Variants in FAM184A observed in about 807,000 individuals in gnomAD.
FAM184A encodes the protein protein FAM184A.
FAM184A carries 99 observed loss-of-function variants against 143.8 expected under a neutral mutation model. The observed-to-expected ratio is 0.69, with a 90% confidence interval of 0.58 to 0.81. FAM184A has a LOEUF of 0.81. FAM184A is among the 40% of genes least tolerant of loss of function. The pLI, the probability that FAM184A is intolerant of heterozygous loss-of-function variation, is 0.00. For synonymous variants in FAM184A, 427 were observed against 446.4 expected, an observed-to-expected ratio of 0.96 and a Z score of 0.55; for missense variants, 1,217 against 1,310.5, an observed-to-expected ratio of 0.93 and a Z score of 1.10.
upstream of FAM184A, among the ~76,000 whole-genome samples, chr6:119,079,976 C>T (rs1052316368): frequency 5.3e-5 from 8 of 152,140 alleles, no homozygotes; most frequent in Admixed American, 5.2e-4. Context: ...AACAAATATC[C>T]TACAAATGTT....
At chr6:118,965,488 A>G (rs899349092) in intron 15 of FAM184A, among the ~76,000 whole-genome samples, 1 of 152,184 alleles carries the variant, frequency 6.6e-6, no homozygotes, top group Non-Finnish European at 1.5e-5. Flanking sequence ...TTCACCAACA[A>G]GATGTTCTAA....
At chr6:118,967,981 T>A (rs892120916) in intron 14 of FAM184A, among the ~76,000 whole-genome samples, 1 of 152,130 alleles carries the variant, frequency 6.6e-6, no homozygotes, top group Admixed American at 6.5e-5. Flanking sequence ...TTGAGTACCA[T>A]AAAATCCCTC....
rs146737029 is a variant in FAM184A at position 119,143,685 on chromosome 6, C to T, written c.-202+5393G>A. Among the ~76,000 whole-genome samples the T allele has an allele frequency of 3.9e-3, 594 of 152,266 alleles. 4 individuals are homozygous for T. Among genetic ancestry groups the T allele is most frequent in the African/African-American group, 0.014 (562 of 41,542 alleles). ...GCTTAAATGAACCTTTAGGACATGA[C>T]GCTAAGTGAAATAAGCCAGTCACAA... is the stretch of plus-strand genomic sequence containing the variant. On this transcript the variant is annotated intron_variant, in intron 1 of 16. Transcript: ENST00000352896.
chr6:119,108,041 C>CG (rs1265452866), intron 1 of FAM184A, among the ~76,000 whole-genome samples: 2 of 151,984 alleles, frequency 1.3e-5, no homozygotes, highest in Non-Finnish European at 2.9e-5. Flanking sequence ...AGAGCAGAAT[C>CG]AGGAATTCTG....
chr6:118,985,062 T>C (rs1428910330), intron 9 of FAM184A, among the ~76,000 whole-genome samples: 2 of 152,278 alleles, frequency 1.3e-5, no homozygotes, highest in Non-Finnish European at 2.9e-5. Context: ...CTGCAGACTG[T>C]AATGGCTTAG....
intron 1 of FAM184A, among the ~76,000 whole-genome samples, chr6:119,046,973 T>A (rs1392057901): frequency 6.6e-6 from 1 of 152,018 alleles, no homozygotes; most frequent in African/African-American, 2.4e-5. Flanking sequence ...ATTTGCAAAC[T>A]ACCCATCTGA....
intron 1 of FAM184A, among the ~76,000 whole-genome samples, chr6:119,116,682 G>C (rs1054694833): frequency 6.6e-6 from 1 of 152,194 alleles, no homozygotes; most frequent in Admixed American, 6.5e-5. Context: ...GTGTCCAGCT[G>C]CCTGTGGAAG....
Position 118,975,997 on chromosome 6 carries a change from AATCAATTGCAGCTG to A in FAM184A, c.2489_2502del (p.Ala830ValfsTer5), listed in dbSNP as rs1357741070. 1.2e-6 allele frequency: 2 copies of A among 1,613,334 alleles called. No individual in the cohort carries two copies. The highest frequency in any genetic ancestry group is 1.7e-6 in the Non-Finnish European group (2 of 1,179,854). ...TCTTGATGATGATTATGCCGTAACA[AATCAATTGCAGCTG>A]CATGTTGATGGTTGAGTTCTGAGCG... On this transcript the variant is annotated frameshift_variant, in exon 12 of 18. Coordinates refer to ENST00000338891, the MANE Select transcript of FAM184A (RefSeq NM_024581.6). LOFTEE classifies it high-confidence loss of function.
chr6:119,139,629 A>G (rs1772142754), intron 1 of FAM184A, among the ~76,000 whole-genome samples: 1 of 144,506 alleles, frequency 6.9e-6, no homozygotes, highest in South Asian at 2.5e-4. Context: ...ACGTTCTCAT[A>G]ATGTTGTATA....
chr6:119,146,275 G>A (rs111236244), intron 1 of FAM184A, among the ~76,000 whole-genome samples: 2 of 152,120 alleles, frequency 1.3e-5, no homozygotes, highest in African/African-American at 4.8e-5. Context: ...CTGAAATTTG[G>A]GGAACTCTGT....
At chr6:119,072,953 C>G (rs1412865929) in intron 1 of FAM184A, among the ~76,000 whole-genome samples, 3 of 152,030 alleles carry the variant, frequency 2.0e-5, no homozygotes, top group Non-Finnish European at 4.4e-5. Context: ...TTATGACCAC[C>G]ATCTTCTTCA....
chr6:119,126,517 A>T (rs1789369823), intron 1 of FAM184A, among the ~76,000 whole-genome samples: 1 of 152,200 alleles, frequency 6.6e-6, no homozygotes, highest in African/African-American at 2.4e-5. Flanking sequence ...GAGTGGGTGC[A>T]AGAGCCAGGG....
intron 9 of FAM184A, among the ~76,000 whole-genome samples, chr6:119,001,977 A>G (rs1284502543): frequency 6.6e-6 from 1 of 152,194 alleles, no homozygotes; most frequent in Non-Finnish European, 1.5e-5. Flanking sequence ...ACAAAAGCTC[A>G]TATATACACA....
chr6:119,122,154 A>T (rs1299572652), intron 1 of FAM184A, among the ~76,000 whole-genome samples: 1 of 152,088 alleles, frequency 6.6e-6, no homozygotes, highest in African/African-American at 2.4e-5. Context: ...CTCTGTGGGG[A>T]TATAGATCTT....
intron 5 of FAM184A, among the ~76,000 whole-genome samples, chr6:119,015,892 G>C (rs998409645): frequency 4.6e-5 from 7 of 152,258 alleles, no homozygotes; most frequent in South Asian, 4.1e-4. Context: ...TGCACCAATC[G>C]ACACTCTGTA....
intron 1 of FAM184A, among the ~76,000 whole-genome samples, chr6:119,093,771 A>G (rs1395811668): frequency 6.6e-6 from 1 of 152,168 alleles, no homozygotes; most frequent in Non-Finnish European, 1.5e-5. Flanking sequence ...AAGAGCACCC[A>G]GGATTTAAGG....
intron 1 of FAM184A, among the ~76,000 whole-genome samples, chr6:119,101,409 A>G (rs561374834): frequency 6.6e-6 from 1 of 152,210 alleles, no homozygotes; most frequent in South Asian, 2.1e-4. Context: ...ATTTAATCTC[A>G]AAACAGTCCT....
In FAM184A at chr6:118,966,963, G is replaced by A. The variant is rs758050482; in HGVS notation, c.2916-11C>T. 1 of 1,323,480 alleles carries A rather than the reference G, an allele frequency of 7.6e-7. No homozygotes were observed. Among genetic ancestry groups the A allele is most frequent in the Non-Finnish European group, 1.1e-6 (1 of 930,720 alleles). 82.0% of individuals were successfully genotyped at this position (1,323,480 alleles called of 1,614,324 possible). ...TCCATTTCTTCTAATCTGAAAACAA[G>A]AAAGACTTTAGCTCATTGATATCAC... On this transcript the variant is annotated splice_polypyrimidine_tract_variant and intron_variant, in intron 14 of 17. Transcript: ENST00000338891.
chr6:119,133,794 C>T (rs973348089), intron 1 of FAM184A, among the ~76,000 whole-genome samples: 6 of 151,976 alleles, frequency 3.9e-5, no homozygotes, highest in African/African-American at 1.5e-4. Flanking sequence ...GTGCATACCA[C>T]CACACCTGGC....
Sources: gnomAD v4.1 joint callset for allele counts (sites outside exome capture counted in the v4.1 genomes callset) on GRCh38, gnomAD v4.1.1 for gene constraint, MANE v1.5 for transcripts, NCBI Gene and HGNC (gene_info 2026-07-23, HGNC 2026-07-21) for gene names.